GAB1: variants seen among roughly 807,000 people sequenced by gnomAD.
GAB1 encodes the protein GRB2 associated binding protein 1.
GAB1 carries 19 observed loss-of-function variants against 66.5 expected under a neutral mutation model. The ratio of observed to expected loss-of-function variants is 0.29; its 90% CI spans 0.20 to 0.42. The LOEUF is 0.42. Among genes scored for constraint, GAB1 ranks in the 10% least tolerant of loss-of-function variants. GAB1 has a pLI of 1.00. For missense variants in GAB1, 732 were observed against 858.5 expected, an observed-to-expected ratio of 0.85 and a Z score of 1.84; for synonymous variants, 294 against 301.4, an observed-to-expected ratio of 0.98 and a Z score of 0.25.
Position 143,369,579 on chromosome 4 carries a change from G to C in GAB1, c.72+32319G>C, listed in dbSNP as rs1009581980. 3.9e-5 allele frequency among the ~76,000 whole-genome samples: 6 copies of C among 152,298 alleles called. No individual in the cohort carries two copies. The South Asian group carries it at 6.2e-4, about 16-fold the overall frequency. On this transcript the variant is annotated intron_variant, in intron 1 of 9. Transcript: ENST00000262994. ...TGAAAAAAGTTTTGTGGTGTTTGCT[G>C]TTTTATAAACTCATATTTGGAGAAG...
At chr4:143,387,262 G>T (rs1485072459) in intron 1 of GAB1, among the ~76,000 whole-genome samples, 1 of 152,200 alleles carries the variant, frequency 6.6e-6, no homozygotes, top group African/African-American at 2.4e-5. Flanking sequence ...CTCCCAAGTA[G>T]CTGGGATTAC....
rs748539714 is a variant in GAB1 at position 143,438,481 on chromosome 4, C to A, written c.1076C>A (p.Thr359Lys). Reference sequence around the variant, plus strand: ...GCTCATGACCGATCTCCTGTGGAAACGTGTAGTATCCCACGCACCGCCTCA... The same window carrying A: ...GCTCATGACCGATCTCCTGTGGAAAAGTGTAGTATCCCACGCACCGCCTCA... Reference protein sequence around the residue: ...HPAHDRSPVETCSIPRTASDT... With the variant: ...HPAHDRSPVEKCSIPRTASDT... The change falls in exon 4 of 10, where the codon ACG becomes AAG. Residue 359 changes from threonine (T) to lysine (K), a missense_variant. By Grantham distance (78) the Thr-to-Lys change is moderately conservative. This residue lies in a region of GAB1 where 427 missense variants were observed against 420.6 expected (regional missense o/e 1.02). Coordinates refer to ENST00000262994, the MANE Select transcript of GAB1 (RefSeq NM_002039.4). 5 of 1,614,014 alleles carry A rather than the reference C, an allele frequency of 3.1e-6. No individual in the cohort carries two copies. Among genetic ancestry groups the A allele is most frequent in the Non-Finnish European group, 4.2e-6 (5 of 1,179,978 alleles).
chr4:143,423,872 TA>T (rs1553951688), intron 2 of GAB1, among the ~76,000 whole-genome samples: 29 of 136,162 alleles, frequency 2.1e-4, no homozygotes, highest in Admixed American at 3.1e-4. Context: ...ATTTTTTTTT[TA>T]AAAAAAAGGA....
At chr4:143,344,208 C>G (rs1348472536) in intron 1 of GAB1, among the ~76,000 whole-genome samples, 1 of 152,132 alleles carries the variant, frequency 6.6e-6, no homozygotes, top group Non-Finnish European at 1.5e-5. Flanking sequence ...CTTGGGCTAG[C>G]GTCTTATTTC....
intron 1 of GAB1, among the ~76,000 whole-genome samples, chr4:143,407,681 A>T (rs1419880396): frequency 3.3e-5 from 5 of 152,188 alleles, no homozygotes; most frequent in Admixed American, 2.0e-4. Context: ...TTTGGAACAG[A>T]TGATCATAAT....
chr4:143,405,869 A>G (rs889894626), intron 1 of GAB1, among the ~76,000 whole-genome samples: 1 of 152,146 alleles, frequency 6.6e-6, no homozygotes, highest in Non-Finnish European at 1.5e-5. Flanking sequence ...CCTTCACACC[A>G]AATTCCATCT....
chr4:143,374,195 G>T (rs778302556), intron 1 of GAB1, among the ~76,000 whole-genome samples: 7 of 151,898 alleles, frequency 4.6e-5, no homozygotes, highest in Non-Finnish European at 7.4e-5. Flanking sequence ...ATACATTTTG[G>T]TGGCAGCATG....
chr4:143,416,363 G>A (rs978120940), intron 2 of GAB1, among the ~76,000 whole-genome samples: 4 of 152,138 alleles, frequency 2.6e-5, no homozygotes, highest in African/African-American at 9.7e-5. Flanking sequence ...AGCCGAGATC[G>A]CGCCACTGCA....
At chr4:143,415,263 A>AAT in intron 1 of GAB1, among the ~76,000 whole-genome samples, 1 of 152,268 alleles carries the variant, frequency 6.6e-6, no homozygotes, top group South Asian at 2.1e-4. Flanking sequence ...GAACATACTG[A>AAT]ATATATATAT....
chr4:143,409,512 A>C (rs1419249970), intron 1 of GAB1, among the ~76,000 whole-genome samples: 1 of 152,040 alleles, frequency 6.6e-6, no homozygotes, highest in Non-Finnish European at 1.5e-5. Context: ...GCAGATAGAA[A>C]AAAAAAAAGG....
intron 1 of GAB1, among the ~76,000 whole-genome samples, chr4:143,414,767 A>C (rs1026140876): frequency 6.6e-5 from 10 of 152,270 alleles, no homozygotes; most frequent in African/African-American, 2.4e-4. Flanking sequence ...ATATTAATGC[A>C]TGAAAATCTG....
chr4:143,425,124 G>A (rs1578695147), intron 2 of GAB1: 1 of 826,736 alleles, frequency 1.2e-6, no homozygotes, highest in Non-Finnish European at 2.1e-6. Context: ...AACCCACTTA[G>A]GTGGCACCAG....
intron 2 of GAB1, among the ~76,000 whole-genome samples, chr4:143,424,292 A>G (rs1459397123): frequency 6.6e-6 from 1 of 152,224 alleles, no homozygotes; most frequent in Non-Finnish European, 1.5e-5. Flanking sequence ...AAGGGGAAGT[A>G]TATGGAATAC....
intron 6 of GAB1, 71 bp from the exon 7 acceptor site, chr4:143,459,314 C>G (rs1735363319): frequency 4.5e-6 from 4 of 880,876 alleles, no homozygotes; most frequent in Non-Finnish European, 7.6e-6. Context: ...AATAGAGTTA[C>G]AGAGAGAGAA....
chr4:143,373,356 C>G (rs183726347), intron 1 of GAB1, among the ~76,000 whole-genome samples: 1 of 152,164 alleles, frequency 6.6e-6, no homozygotes. Context: ...CCAGACCTTT[C>G]CTTCAGATTA....
intron 1 of GAB1, among the ~76,000 whole-genome samples, chr4:143,368,187 A>G (rs1729969791): frequency 6.6e-6 from 1 of 152,106 alleles, no homozygotes; most frequent in South Asian, 2.1e-4. Flanking sequence ...AGGAAAAAAA[A>G]AAAACAAGCA....
intron 1 of GAB1, chr4:143,349,803 G>A (rs757539489): frequency 5.7e-5 from 91 of 1,587,324 alleles, no homozygotes; most frequent in Non-Finnish European, 7.5e-5. Flanking sequence ...TGCGCTGGCC[G>A]GCACGGGTCT....
chr4:143,432,963 T>G (rs1733753013), intron 2 of GAB1, among the ~76,000 whole-genome samples: 1 of 152,174 alleles, frequency 6.6e-6, no homozygotes, highest in African/African-American at 2.4e-5. Flanking sequence ...ATGAATAGAC[T>G]TTATTTTCAC....
At chr4:143,368,595 C>T (rs368599046) in intron 1 of GAB1, among the ~76,000 whole-genome samples, 7 of 152,068 alleles carry the variant, frequency 4.6e-5, no homozygotes, top group East Asian at 1.9e-4. Context: ...TAGATTCCTT[C>T]GGAGATTTTT....
Sources: allele counts gnomAD v4.1 joint callset (sites outside exome capture counted in the v4.1 genomes callset), GRCh38; gene constraint gnomAD v4.1.1; regional missense constraint gnomAD v4.1.1; transcripts MANE v1.5; gene names NCBI Gene and HGNC (gene_info 2026-07-23, HGNC 2026-07-21).